The following CAMKMT variants were observed in gnomAD, a reference collection of about 807,000 sequenced individuals.
The protein encoded by CAMKMT is CaM KMT.
A neutral mutation model predicts 48.0 loss-of-function variants in CAMKMT; 53 were observed. The observed-to-expected ratio is 1.10, with a 90% CI of 0.89 to 1.39. The LOEUF is 1.39. CAMKMT is among the 40% of genes most tolerant of loss of function. The probability of loss-of-function intolerance (pLI) is 0.00; values close to 1 mark genes in which losing one functional copy is unlikely to be tolerated. For missense variants in CAMKMT, 428 were observed against 402.7 expected, an observed-to-expected ratio of 1.06 and a Z score of -0.54; for synonymous variants, 165 against 152.3, an observed-to-expected ratio of 1.08 and a Z score of -0.61.
At position 44,666,612 on chromosome 2, in the gene CAMKMT, C is replaced by CTTTTTTTTTTTTTTTT. The variant is rs1293884982; in HGVS notation, c.377-37669_377-37654dup. Reference sequence around the variant, plus strand: ...TTGATCTCCTTTTGGCTCCTGGAATCTTTTTTTTTTTTTTTTTGAGACAGA... The same window carrying CTTTTTTTTTTTTTTTT: ...TTGATCTCCTTTTGGCTCCTGGAATCTTTTTTTTTTTTTTTTTTTTTTTTTTTTTTTTTGAGACAGA... On this transcript the variant is annotated intron_variant, in intron 3 of 10. Coordinates refer to ENST00000378494, the MANE Select transcript of CAMKMT (RefSeq NM_024766.5). Among the ~76,000 whole-genome samples the CTTTTTTTTTTTTTTTT allele has an allele frequency of 1.8e-3, 247 of 133,918 alleles. 10 individuals are homozygous for CTTTTTTTTTTTTTTTT. The highest frequency in any genetic ancestry group is 6.9e-3 in the African/African-American group (234 of 34,094). The allele number at this position is 133,918 out of a possible 152,430, so 87.9% of individuals were successfully genotyped here.
chr2:44,460,109 A>G (rs988444517), intron 3 of CAMKMT, among the ~76,000 whole-genome samples: 7 of 152,204 alleles, frequency 4.6e-5, no homozygotes, highest in African/African-American at 1.4e-4. Flanking sequence ...AAAACCCTCC[A>G]TGTTCAGGAC....
At chr2:44,614,956 T>TTTTTTTG (rs1374926962) in intron 3 of CAMKMT, among the ~76,000 whole-genome samples, 1 of 139,608 alleles carries the variant, frequency 7.2e-6, no homozygotes, top group Non-Finnish European at 1.5e-5. Flanking sequence ...TTTTTTTTTT[T>TTTTTTTG]TTTTGAGACA....
At chr2:44,367,844 A>G (rs1274001103) in intron 1 of CAMKMT, among the ~76,000 whole-genome samples, 2 of 152,204 alleles carry the variant, frequency 1.3e-5, no homozygotes, top group African/African-American at 4.8e-5. Context: ...GGTGTTGATG[A>G]TGTAATCAGG....
chr2:44,558,987 A>G (rs1572797591), intron 3 of CAMKMT, among the ~76,000 whole-genome samples: 1 of 151,220 alleles, frequency 6.6e-6, no homozygotes, highest in African/African-American at 2.4e-5. Flanking sequence ...ATGTATGGAT[A>G]GATAGATAGA....
intron 3 of CAMKMT, among the ~76,000 whole-genome samples, chr2:44,544,670 T>G (rs1189427857): frequency 6.6e-6 from 1 of 152,196 alleles, no homozygotes; most frequent in Non-Finnish European, 1.5e-5. Context: ...AGGAAAAATA[T>G]CAATCTTTAA....
intron 3 of CAMKMT, among the ~76,000 whole-genome samples, chr2:44,584,444 A>T (rs1669737491): frequency 6.6e-6 from 1 of 152,226 alleles, no homozygotes; most frequent in African/African-American, 2.4e-5. Context: ...AGCTATAAAG[A>T]CATGTCCCAC....
intron 7 of CAMKMT, among the ~76,000 whole-genome samples, chr2:44,718,723 A>G (rs1678301535): frequency 6.6e-6 from 1 of 152,210 alleles, no homozygotes; most frequent in African/African-American, 2.4e-5. Context: ...TAAAAAGTCT[A>G]TTAAATTTAC....
intron 3 of CAMKMT, among the ~76,000 whole-genome samples, chr2:44,446,062 G>C (rs1666978647): frequency 6.6e-6 from 1 of 152,044 alleles, no homozygotes; most frequent in African/African-American, 2.4e-5. Context: ...AGTATAAAGG[G>C]GTCGCTAGAG....
intron 3 of CAMKMT, among the ~76,000 whole-genome samples, chr2:44,551,798 A>G (rs1056033327): frequency 6.8e-6 from 1 of 147,834 alleles, no homozygotes; most frequent in Non-Finnish European, 1.5e-5. Flanking sequence ...ACTTCACTTC[A>G]TCTTCATAAT....
At chr2:44,440,331 C>T (rs537403794) in intron 3 of CAMKMT, among the ~76,000 whole-genome samples, 41 of 152,110 alleles carry the variant, frequency 2.7e-4, no homozygotes, top group African/African-American at 3.6e-4. Context: ...ATAGAAAATA[C>T]GGTATTATTT....
chr2:44,614,966 A>G (rs1572922881), intron 3 of CAMKMT, among the ~76,000 whole-genome samples: 1 of 13,342 alleles, frequency 7.5e-5, no homozygotes, highest in African/African-American at 4.0e-4. Flanking sequence ...TTTTTGAGAC[A>G]GGGTCTTGCT....
intron 3 of CAMKMT, among the ~76,000 whole-genome samples, chr2:44,568,014 G>A (rs1202101221): frequency 2.0e-5 from 3 of 150,560 alleles, no homozygotes; most frequent in Non-Finnish European, 2.9e-5. Context: ...GATAAGGGTC[G>A]CTCTTAGAGC....
intron 3 of CAMKMT, among the ~76,000 whole-genome samples, chr2:44,414,319 T>G (rs1683406743): frequency 6.6e-6 from 1 of 152,194 alleles, no homozygotes; most frequent in Admixed American, 6.5e-5. Context: ...GTATGAATGG[T>G]TCCTATGGTT....
chr2:44,420,238 G>T (rs1304688449), intron 3 of CAMKMT, among the ~76,000 whole-genome samples: 4 of 152,076 alleles, frequency 2.6e-5, no homozygotes, highest in Non-Finnish European at 4.4e-5. Context: ...TGTATAATTT[G>T]TATATTTCTG....
chr2:44,677,414 G>A (rs1675768753), intron 3 of CAMKMT, among the ~76,000 whole-genome samples: 2 of 152,194 alleles, frequency 1.3e-5, no homozygotes, highest in Non-Finnish European at 2.9e-5. Context: ...TGGAGTAAGG[G>A]CATGCAAGCA....
At chr2:44,507,586 G>A (rs1421839753) in intron 3 of CAMKMT, among the ~76,000 whole-genome samples, 2 of 151,964 alleles carry the variant, frequency 1.3e-5, no homozygotes, top group Non-Finnish European at 2.9e-5. Flanking sequence ...CATTTTAGAA[G>A]TCCTGTTGTG....
intron 3 of CAMKMT, among the ~76,000 whole-genome samples, chr2:44,481,814 A>G (rs1030722433): frequency 4.6e-5 from 7 of 152,232 alleles, no homozygotes; most frequent in African/African-American, 1.7e-4. Context: ...TGGTTTAAAA[A>G]ATAAGCTAAA....
intron 3 of CAMKMT, among the ~76,000 whole-genome samples, chr2:44,434,908 T>C (rs1666125050): frequency 6.6e-6 from 1 of 152,322 alleles, no homozygotes; most frequent in East Asian, 1.9e-4. Context: ...AGCATGTTAA[T>C]CACAATTTGA....
chr2:44,420,853 T>A (rs576375335), intron 3 of CAMKMT, among the ~76,000 whole-genome samples: 2 of 152,146 alleles, frequency 1.3e-5, no homozygotes, highest in East Asian at 3.9e-4. Flanking sequence ...CTTGGGTAAT[T>A]TTTTTTAATT....
Sources: gnomAD v4.1 joint callset for allele counts (sites outside exome capture counted in the v4.1 genomes callset) on GRCh38, gnomAD v4.1.1 for gene constraint, MANE v1.5 for transcripts, NCBI Gene and HGNC (gene_info 2026-07-23, HGNC 2026-07-21) for gene names.